The following MAGI2 variants were observed in gnomAD, a reference collection of about 807,000 sequenced individuals.
MAGI2 encodes membrane associated guanylate kinase, WW and PDZ domain containing 2, also known as membrane-associated guanylate kinase, WW and PDZ domain-containing protein 2.
MAGI2 carries 35 observed loss-of-function variants against 133.3 expected under a neutral mutation model. The observed-to-expected ratio is 0.26, with a 90% CI of 0.20 to 0.35. The LOEUF (loss-of-function observed/expected upper bound fraction) is 0.35. MAGI2 is among the 10% of genes least tolerant of loss of function. The pLI, the probability that MAGI2 is intolerant of heterozygous loss-of-function variation, is 1.00. For synonymous variants in MAGI2, 729 were observed against 710.6 expected (o/e 1.03, Z -0.41); for missense variants, 1,636 against 1,863.4 (o/e 0.88, Z 2.25).
At chr7:79,322,761 G>A (rs1217900990) in intron 1 of MAGI2, among the ~76,000 whole-genome samples, 1 of 141,416 alleles carries the variant, frequency 7.1e-6, no homozygotes, top group Non-Finnish European at 1.5e-5. Context: ...CATTCTGGGT[G>A]AGAAAGTGAG....
rs1807963996 is a variant in MAGI2 at position 78,018,464 on chromosome 7, G to A, written c.*851C>T. 6.6e-6 allele frequency: 1 copy of A among 152,198 alleles called. No homozygotes were observed. Among genetic ancestry groups the A allele is most frequent in the African/African-American group, 2.4e-5 (1 of 41,438 alleles). The allele number at this position is 152,198 out of a possible 1,614,324, so 9.4% of individuals were successfully genotyped here. On this transcript the variant is annotated 3_prime_UTR_variant, in exon 22 of 22. Coordinates refer to ENST00000354212, the MANE Select transcript of MAGI2 (RefSeq NM_012301.4). ...AAGGAACTGCAGCGTTGCCTATCTT[G>A]ATTAAACAAATTGTGGTCCTTCAAT...
chr7:78,769,207 G>C (rs1367360285), intron 2 of MAGI2, among the ~76,000 whole-genome samples: 1 of 151,980 alleles, frequency 6.6e-6, no homozygotes, highest in African/African-American at 2.4e-5. Flanking sequence ...AACATGATAA[G>C]ATACAAAAAC....
intron 1 of MAGI2, among the ~76,000 whole-genome samples, chr7:79,065,862 C>A (rs2117108131): frequency 6.6e-6 from 1 of 152,288 alleles, no homozygotes; most frequent in Non-Finnish European, 1.5e-5. Flanking sequence ...TTTCCAGCTT[C>A]ATCCATGTCC....
chr7:79,365,867 C>CAAAAAAAAAAAAAA (rs71095399), intron 1 of MAGI2, among the ~76,000 whole-genome samples: 5 of 48,868 alleles, frequency 1.0e-4, no homozygotes, highest in Admixed American at 4.5e-4. Context: ...ACTCTTGTCT[C>CAAAAAAAAAAAAAA]AAAAAAAAAA....
chr7:78,065,725 A>G, intron 21 of MAGI2: 1 of 573,132 alleles, frequency 1.7e-6, no homozygotes, highest in East Asian at 2.9e-5. Context: ...AGTAACAAAG[A>G]TATATTATTA....
chr7:78,486,951 C>T (rs1793082380), intron 6 of MAGI2: 1 of 525,206 alleles, frequency 1.9e-6, no homozygotes, highest in Non-Finnish European at 3.8e-6. Context: ...GGCTCTGGGG[C>T]CGGGTCCATG....
intron 2 of MAGI2, among the ~76,000 whole-genome samples, chr7:78,667,299 C>T (rs1231446717): frequency 2.6e-5 from 4 of 151,222 alleles, no homozygotes; most frequent in African/African-American, 7.3e-5. Flanking sequence ...TGTATGATTT[C>T]ATTTCAAGAT....
At chr7:78,932,015 AC>A (rs1212339063) in intron 2 of MAGI2, among the ~76,000 whole-genome samples, 2 of 148,184 alleles carry the variant, frequency 1.3e-5, no homozygotes, top group Non-Finnish European at 3.0e-5. Context: ...AAAAAAAAAA[AC>A]CCACATGATT....
intron 2 of MAGI2, among the ~76,000 whole-genome samples, chr7:78,657,375 T>C (rs1395275024): frequency 1.3e-5 from 2 of 152,220 alleles, no homozygotes; most frequent in African/African-American, 4.8e-5. Context: ...TGCATGTGGA[T>C]GTTTGTAGAA....
In MAGI2 at chr7:78,042,274, A is replaced by G. The variant is rs75275423; in HGVS notation, c.3707-22298T>C. Among the ~76,000 whole-genome samples the G allele has an allele frequency of 5.4e-3, 825 of 152,290 alleles. 3 individuals are homozygous for G. Among genetic ancestry groups the G allele is most frequent in the African/African-American group, 0.019 (774 of 41,558 alleles). On this transcript the variant is annotated intron_variant, in intron 21 of 21. Coordinates refer to ENST00000354212, the MANE Select transcript of MAGI2 (RefSeq NM_012301.4). ...TCTTTGGCTAAGCTTACATGCTTTG[A>G]TGAGTTACCCAAAGAGGAACGATAT...
intron 1 of MAGI2, among the ~76,000 whole-genome samples, chr7:79,290,651 G>A (rs1836401178): frequency 6.6e-6 from 1 of 151,384 alleles, no homozygotes; most frequent in South Asian, 2.1e-4. Flanking sequence ...CTATTCATGT[G>A]TGATTTCTTC....
chr7:78,923,020 GC>G (rs1799385091), intron 2 of MAGI2, among the ~76,000 whole-genome samples: 1 of 152,080 alleles, frequency 6.6e-6, no homozygotes, highest in African/African-American at 2.4e-5. Context: ...CATATCCTTT[GC>G]CTACTTTTTA....
intron 20 of MAGI2, among the ~76,000 whole-genome samples, chr7:78,099,136 A>G (rs2151239336): frequency 6.6e-6 from 1 of 152,306 alleles, no homozygotes; most frequent in East Asian, 1.9e-4. Context: ...CATGAAATGT[A>G]TTAAGTATCA....
intron 2 of MAGI2, among the ~76,000 whole-genome samples, chr7:78,764,116 G>T (rs1383010361): frequency 1.3e-5 from 2 of 152,112 alleles, no homozygotes; most frequent in South Asian, 2.1e-4. Context: ...TGAACTTAAG[G>T]TTTCTAAAAA....
At chr7:79,366,632 C>G (rs558525446) in intron 1 of MAGI2, among the ~76,000 whole-genome samples, 176 of 152,046 alleles carry the variant, frequency 1.2e-3, no homozygotes, top group African/African-American at 4.0e-3. Flanking sequence ...TGATCTTATC[C>G]TATCATTTTT....
chr7:78,553,255 G>A (rs4730378), intron 3 of MAGI2, among the ~76,000 whole-genome samples: 57,530 of 151,814 alleles, frequency 0.38, 11,897 homozygotes, highest in East Asian at 0.63. Flanking sequence ...AAGCATTTTC[G>A]TAGCTTTATT....
intron 1 of MAGI2, among the ~76,000 whole-genome samples, chr7:79,183,510 C>T (rs1826799699): frequency 6.6e-6 from 1 of 151,700 alleles, no homozygotes; most frequent in South Asian, 2.1e-4. Flanking sequence ...TTTCAATATT[C>T]TAGGTATCAA....
chr7:78,208,997 T>G (rs908428417), intron 10 of MAGI2, among the ~76,000 whole-genome samples: 1 of 150,006 alleles, frequency 6.7e-6, no homozygotes, highest in South Asian at 2.1e-4. Flanking sequence ...CCGAGGCAGG[T>G]GGATCACGAG....
chr7:78,738,520 A>T (rs527371204), intron 2 of MAGI2, among the ~76,000 whole-genome samples: 1 of 152,280 alleles, frequency 6.6e-6, no homozygotes, highest in Admixed American at 6.5e-5. Context: ...TTAGTTTGCT[A>T]ACAAATCATT....
Sources: allele counts gnomAD v4.1 joint callset (sites outside exome capture counted in the v4.1 genomes callset), GRCh38; gene constraint gnomAD v4.1.1; transcripts MANE v1.5; gene names NCBI Gene and HGNC (gene_info 2026-07-23, HGNC 2026-07-21).